Variants in TNR observed in about 807,000 individuals in gnomAD.
TNR encodes tenascin-R.
In TNR, 45 loss-of-function variants were observed where a neutral mutation model predicts 150.4. That is an observed-to-expected ratio of 0.30 (90% confidence interval 0.24 to 0.38). TNR has a LOEUF of 0.38. Among genes scored for constraint, TNR ranks in the 10% least tolerant of loss-of-function variants. The pLI is 1.00. For synonymous variants in TNR, 687 were observed against 678.4 expected, an observed-to-expected ratio of 1.01 and a Z score of -0.20; for missense variants, 1,544 against 1,759.1, an observed-to-expected ratio of 0.88 and a Z score of 2.19.
chr1:175,535,959 T>C (rs141615171), intron 1 of TNR, among the ~76,000 whole-genome samples: 1 of 152,290 alleles, frequency 6.6e-6, no homozygotes, highest in Non-Finnish European at 1.5e-5. Flanking sequence ...TTTTCACCAA[T>C]AGAAATCACA....
chr1:175,741,038 C>T (rs1280083400), intron 1 of TNR, among the ~76,000 whole-genome samples: 1 of 152,192 alleles, frequency 6.6e-6, no homozygotes, highest in Non-Finnish European at 1.5e-5. Context: ...ATCTTCTTAG[C>T]TGAGAAGTAA....
intron 2 of TNR, among the ~76,000 whole-genome samples, chr1:175,498,690 G>A (rs1458213343): frequency 1.3e-5 from 2 of 152,202 alleles, no homozygotes; most frequent in Non-Finnish European, 2.9e-5. Flanking sequence ...TGGTATTGGA[G>A]AAAACCATCG....
At chr1:175,676,359 C>T (rs1232977423) in intron 1 of TNR, among the ~76,000 whole-genome samples, 3 of 152,284 alleles carry the variant, frequency 2.0e-5, no homozygotes, top group African/African-American at 4.8e-5. Flanking sequence ...GCGTGCACCT[C>T]ACCACCTCCA....
At chr1:175,640,401 G>C (rs1664619295) in intron 1 of TNR, among the ~76,000 whole-genome samples, 1 of 152,328 alleles carries the variant, frequency 6.6e-6, no homozygotes, top group South Asian at 2.1e-4. Flanking sequence ...AAGGTGTCTT[G>C]GTTGTTAAGC....
intron 1 of TNR, among the ~76,000 whole-genome samples, chr1:175,736,065 T>G (rs1209527483): frequency 6.6e-6 from 1 of 152,202 alleles, no homozygotes; most frequent in Non-Finnish European, 1.5e-5. Flanking sequence ...ACCCAATAAT[T>G]GCTAGCTTGT....
intron 1 of TNR, among the ~76,000 whole-genome samples, chr1:175,688,229 G>T (rs989413315): frequency 6.6e-6 from 1 of 152,344 alleles, no homozygotes; most frequent in Non-Finnish European, 1.5e-5. Context: ...AGGAGCCCCA[G>T]TCCCACGGGG....
At chr1:175,526,022 T>A (rs550071489) in intron 2 of TNR, among the ~76,000 whole-genome samples, 6 of 152,052 alleles carry the variant, frequency 3.9e-5, no homozygotes, top group East Asian at 1.9e-4. Flanking sequence ...TTTTTTTTTT[T>A]AAATTCCCCT....
intron 2 of TNR, among the ~76,000 whole-genome samples, chr1:175,409,178 A>G (rs1387979320): frequency 1.3e-5 from 2 of 152,234 alleles, no homozygotes; most frequent in Non-Finnish European, 2.9e-5. Flanking sequence ...TCAGTCATTT[A>G]CACACAGACG....
intron 2 of TNR, among the ~76,000 whole-genome samples, chr1:175,486,346 A>G (rs1658014643): frequency 6.6e-6 from 1 of 150,604 alleles, no homozygotes; most frequent in African/African-American, 2.4e-5. Context: ...TCATTGTTCA[A>G]CTCCCACTTG....
chr1:175,608,117 A>T (rs552053263), intron 1 of TNR, among the ~76,000 whole-genome samples: 2 of 152,348 alleles, frequency 1.3e-5, no homozygotes, highest in East Asian at 1.9e-4. Flanking sequence ...AGCCTTTGTC[A>T]TTCCTATTTT....
intron 2 of TNR, among the ~76,000 whole-genome samples, chr1:175,466,047 T>C (rs1356286310): frequency 6.6e-6 from 1 of 152,212 alleles, no homozygotes; most frequent in African/African-American, 2.4e-5. Flanking sequence ...AATTGGTCTT[T>C]CCTGTGGTGC....
At chr1:175,647,435 C>CAAAAAAAAAAAAAAAAAA (rs397745737) in intron 1 of TNR, among the ~76,000 whole-genome samples, 4 of 121,658 alleles carry the variant, frequency 3.3e-5, no homozygotes, top group African/African-American at 1.2e-4. Flanking sequence ...CTATTCGGTG[C>CAAAAAAAAAAAAAAAAAA]AAAAAAAAAA....
chr1:175,331,705 C>T (rs539710981), intron 20 of TNR, among the ~76,000 whole-genome samples: 1 of 152,288 alleles, frequency 6.6e-6, no homozygotes, highest in Non-Finnish European at 1.5e-5. Context: ...TTTTTATCTG[C>T]TTACTGAACT....
chr1:175,529,846 C>A (rs1363180564), intron 1 of TNR, among the ~76,000 whole-genome samples: 2 of 152,132 alleles, frequency 1.3e-5, no homozygotes, highest in African/African-American at 4.8e-5. Context: ...ATCTTTTGAA[C>A]CAACTGCATC....
In TNR at chr1:175,319,384, T is replaced by C. The variant is rs1464946340; in HGVS notation, c.*3973A>G. On this transcript the variant is annotated 3_prime_UTR_variant, in exon 23 of 23. Transcript: ENST00000367674. ...CTTTTACAAGAGCTATTTGAAAAGA[T>C]TCCACAATGACTTTTTGTCCCTTAA... The C allele has an allele frequency of 6.6e-6, 1 of 152,226 alleles. No individual in the cohort carries two copies. The allele number at this position is 152,226 out of a possible 1,614,324, so 9.4% of individuals were successfully genotyped here. A position where few individuals can be genotyped will look rare whatever the true frequency, so the allele number is the denominator to read the frequency against.
chr1:175,376,231 TAA>T (rs1652370496), intron 9 of TNR, among the ~76,000 whole-genome samples: 1 of 152,180 alleles, frequency 6.6e-6, no homozygotes, highest in Non-Finnish European at 1.5e-5. Context: ...GAGGACATCC[TAA>T]ACCATCCAGT....
At chr1:175,708,555 T>G (rs1229609950) in intron 1 of TNR, among the ~76,000 whole-genome samples, 1 of 152,192 alleles carries the variant, frequency 6.6e-6, no homozygotes, top group Non-Finnish European at 1.5e-5. Context: ...ATCCACCATG[T>G]GCCAAGCACT....
intron 1 of TNR, among the ~76,000 whole-genome samples, chr1:175,617,480 C>A (rs1004017448): frequency 1.3e-5 from 2 of 152,184 alleles, no homozygotes; most frequent in Admixed American, 1.3e-4. Context: ...ACAATGCGAT[C>A]CCTCTGCCCT....
chr1:175,369,981 G>C (rs920762456), intron 9 of TNR, among the ~76,000 whole-genome samples: 5 of 152,152 alleles, frequency 3.3e-5, no homozygotes, highest in Non-Finnish European at 7.3e-5. Flanking sequence ...GTCTGGGTAG[G>C]CATTCGAATC....
Sources: allele counts gnomAD v4.1 joint callset (sites outside exome capture counted in the v4.1 genomes callset), GRCh38; gene constraint gnomAD v4.1.1; transcripts MANE v1.5; gene names NCBI Gene and HGNC (gene_info 2026-07-23, HGNC 2026-07-21).